The following CNTN4 variants were observed in gnomAD, a reference collection of about 807,000 sequenced individuals.
CNTN4 encodes the protein contactin-4.
In CNTN4, 77 loss-of-function variants were observed where a neutral mutation model predicts 122.5. That is an observed-to-expected ratio of 0.63 (90% CI 0.52 to 0.76). The LOEUF is 0.76. CNTN4 is among the 30% of genes least tolerant of loss of function. The pLI, the probability that CNTN4 is intolerant of heterozygous loss-of-function variation, is 0.00. For missense variants in CNTN4, 1,256 were observed against 1,259.1 expected (o/e 1.00, Z 0.04); for synonymous variants, 512 against 447.0 (o/e 1.15, Z -1.83).
At chr3:2,151,442 C>T (rs560345998) in intron 2 of CNTN4, among the ~76,000 whole-genome samples, 2 of 152,190 alleles carry the variant, frequency 1.3e-5, no homozygotes, top group Non-Finnish European at 2.9e-5. Context: ...AAAACAAGCT[C>T]AGTCTGGCTG....
At chr3:2,569,315 A>C (rs2079317810) in intron 3 of CNTN4, among the ~76,000 whole-genome samples, 3 of 152,234 alleles carry the variant, frequency 2.0e-5, no homozygotes, top group Non-Finnish European at 4.4e-5. Flanking sequence ...ATTAACGCTA[A>C]GAGCCCATTA....
intron 2 of CNTN4, among the ~76,000 whole-genome samples, chr3:2,263,213 G>A (rs2040908680): frequency 6.6e-6 from 1 of 152,106 alleles, no homozygotes; most frequent in Non-Finnish European, 1.5e-5. Flanking sequence ...TTAAAACACT[G>A]TTGCTGGGTA....
Position 2,668,430 on chromosome 3 carries a change from G to C in CNTN4, c.56-67785G>C, listed in dbSNP as rs577699937. ...GTATATAAGAATGCTTGTGATTTTTGCACATTGATTTTGTATCCTGAGACT... is the reference window on the plus strand; with the variant it reads ...GTATATAAGAATGCTTGTGATTTTTCCACATTGATTTTGTATCCTGAGACT... On this transcript the variant is annotated intron_variant, in intron 4 of 24. Coordinates refer to ENST00000418658, the MANE Select transcript of CNTN4 (RefSeq NM_175607.3). Among the ~76,000 whole-genome samples, 4 of 152,250 alleles carry C rather than the reference G, an allele frequency of 2.6e-5. No individual in the cohort carries two copies. In the East Asian group the frequency reaches 7.7e-4, roughly 29 times the overall value.
At chr3:3,043,266 A>AT in intron 22 of CNTN4, 103 bp downstream of exon 22, 3 of 1,106,420 alleles carry the variant, frequency 2.7e-6, no homozygotes, top group South Asian at 1.3e-5. Context: ...ACTAATTAGT[A>AT]GCATGTGGAT....
chr3:2,151,513 A>G (rs988055664), intron 2 of CNTN4, among the ~76,000 whole-genome samples: 2 of 152,046 alleles, frequency 1.3e-5, no homozygotes, highest in Non-Finnish European at 2.9e-5. Flanking sequence ...GTGCTATCCA[A>G]GGTGCTTGGG....
chr3:2,791,307 T>C (rs2092002568), intron 6 of CNTN4, among the ~76,000 whole-genome samples: 1 of 152,128 alleles, frequency 6.6e-6, no homozygotes, highest in African/African-American at 2.4e-5. Context: ...CAAGGCGGGC[T>C]GATCACTTGA....
In CNTN4 at chr3:2,887,025, T is replaced by A. The variant is rs2093986888; in HGVS notation, c.756-15T>A. 1.2e-6 allele frequency: 2 copies of A among 1,611,814 alleles called. No homozygotes were observed. Among genetic ancestry groups the A allele is most frequent in the South Asian group, 1.1e-5 (1 of 90,852 alleles). Reference sequence around the variant, plus strand: ...TTCTCTAGTTTGATTCACTCCTTTTTATTCTTGCTATCAGTCCAGTACCAA... The same window carrying A: ...TTCTCTAGTTTGATTCACTCCTTTTAATTCTTGCTATCAGTCCAGTACCAA... On this transcript the variant is annotated splice_polypyrimidine_tract_variant and intron_variant, in intron 9 of 24. Transcript: ENST00000418658.
intron 3 of CNTN4, among the ~76,000 whole-genome samples, chr3:2,449,349 TCA>T (rs2048738932): frequency 6.6e-6 from 1 of 151,430 alleles, no homozygotes; most frequent in African/African-American, 2.5e-5. Flanking sequence ...GCGTGGTGAC[TCA>T]CACCTGTAAT....
At chr3:2,513,840 C>A (rs562961047) in intron 3 of CNTN4, among the ~76,000 whole-genome samples, 1 of 152,038 alleles carries the variant, frequency 6.6e-6, no homozygotes, top group South Asian at 2.1e-4. Flanking sequence ...CTTGACAGAT[C>A]GGGAAGCCAG....
At chr3:2,812,890 T>A (rs2092645660) in intron 6 of CNTN4, among the ~76,000 whole-genome samples, 1 of 152,250 alleles carries the variant, frequency 6.6e-6, no homozygotes, top group Non-Finnish European at 1.5e-5. Context: ...GCTAAGTTTG[T>A]ACTCAGGTCC....
At chr3:2,766,614 G>A (rs1481897788) in intron 6 of CNTN4, among the ~76,000 whole-genome samples, 2 of 152,158 alleles carry the variant, frequency 1.3e-5, no homozygotes, top group Non-Finnish European at 2.9e-5. Flanking sequence ...GGAAGAGGAT[G>A]AGGGATAAAA....
chr3:2,390,611 C>G (rs1200451941), intron 3 of CNTN4, among the ~76,000 whole-genome samples: 1 of 152,096 alleles, frequency 6.6e-6, no homozygotes, highest in East Asian at 1.9e-4. Context: ...ATGGGTTCCA[C>G]TTTTAGAATA....
chr3:2,835,494 T>A (rs779834857), intron 7 of CNTN4, among the ~76,000 whole-genome samples: 1 of 152,192 alleles, frequency 6.6e-6, no homozygotes, highest in Non-Finnish European at 1.5e-5. Flanking sequence ...TTCAATTGTT[T>A]ACATGTTCAG....
intron 12 of CNTN4, among the ~76,000 whole-genome samples, chr3:2,918,873 A>ATG (rs1400985616): frequency 1.3e-5 from 2 of 152,178 alleles, no homozygotes; most frequent in African/African-American, 4.8e-5. Context: ...GGAGAAAGAG[A>ATG]TGTAGTGTTC....
chr3:2,213,494 G>A (rs1310732035), intron 2 of CNTN4, among the ~76,000 whole-genome samples: 1 of 137,872 alleles, frequency 7.3e-6, no homozygotes, highest in African/African-American at 2.7e-5. Flanking sequence ...GAAATAAAAA[G>A]CTGGAATGTG....
intron 3 of CNTN4, among the ~76,000 whole-genome samples, chr3:2,412,345 G>A (rs530814545): frequency 2.0e-5 from 3 of 151,740 alleles, no homozygotes; most frequent in East Asian, 1.9e-4. Context: ...TCCTCCTCCC[G>A]GGTTCAAGTG....
rs917551867 is a variant in CNTN4 at position 2,922,093 on chromosome 3, T to C, written c.1208-3536T>C. ...TGTGAGAAATATTATCATTTAAGTA[T>C]ATTAAATACAGCAAATAAGGAGCTC... On this transcript the variant is annotated intron_variant, in intron 12 of 24. Transcript: ENST00000418658. Among the ~76,000 whole-genome samples the C allele has an allele frequency of 1.2e-4, 18 of 152,296 alleles. No homozygotes were observed. The East Asian group carries it at 2.5e-3, about 21-fold the overall frequency.
intron 2 of CNTN4, among the ~76,000 whole-genome samples, chr3:2,237,898 G>T (rs9839067): frequency 0.032 from 4,850 of 152,132 alleles, 259 homozygotes; most frequent in African/African-American, 0.11. Context: ...TATTAAAATA[G>T]ATTTACTGTG....
chr3:2,381,932 A>T (rs931220377), intron 3 of CNTN4, among the ~76,000 whole-genome samples: 2 of 152,178 alleles, frequency 1.3e-5, no homozygotes, highest in African/African-American at 4.8e-5. Context: ...AAATTAAAAA[A>T]ATAAAATTTC....
Sources: gnomAD v4.1 joint callset for allele counts (sites outside exome capture counted in the v4.1 genomes callset) on GRCh38, gnomAD v4.1.1 for gene constraint, MANE v1.5 for transcripts, NCBI Gene and HGNC (gene_info 2026-07-23, HGNC 2026-07-21) for gene names.